Variants in STK33 observed in about 807,000 individuals in gnomAD.
STK33 encodes the protein serine/threonine-protein kinase 33.
Under a neutral mutation model 58.0 loss-of-function variants are expected in STK33, and 52 were observed. That is an observed-to-expected ratio of 0.90 (90% CI 0.72 to 1.13). The LOEUF is 1.13. Ranked by LOEUF, STK33 falls within the 50% of genes most tolerant of loss-of-function variation. STK33 has a pLI of 0.00. For missense variants in STK33, 630 were observed against 604.2 expected (o/e 1.04, Z -0.45); for synonymous variants, 215 against 200.1 (o/e 1.07, Z -0.63).
At position 8,584,732 on chromosome 11, in the gene STK33, C is replaced by T. The variant is rs1460548424; in HGVS notation, c.-466+9351G>A. Reference sequence around the variant, plus strand: ...TCTTTTCTGTTACCAAGTGCCAGGGCAAACAGGAGATAGACCCTTTCAGAC... The same window carrying T: ...TCTTTTCTGTTACCAAGTGCCAGGGTAAACAGGAGATAGACCCTTTCAGAC... On this transcript the variant is annotated intron_variant, in intron 1 of 15. Coordinates refer to ENST00000687296, the MANE Select transcript of STK33 (RefSeq NM_001352389.2). Among the ~76,000 whole-genome samples the T allele has an allele frequency of 4.6e-5, 7 of 152,216 alleles. No individual in the cohort carries two copies. In the East Asian group the frequency reaches 1.2e-3, roughly 25 times the overall value.
chr11:8,467,005 G>A (rs1948264263), intron 6 of STK33: 1 of 152,262 alleles, frequency 6.6e-6, no homozygotes, highest in South Asian at 2.1e-4. Flanking sequence ...TAGGATGCAG[G>A]GCACCAAGTC....
intron 12 of STK33, 58 bp downstream of exon 12, chr11:8,440,620 A>ATT (rs1406122197): frequency 5.0e-6 from 7 of 1,389,110 alleles, no homozygotes; most frequent in Non-Finnish European, 5.9e-6. Flanking sequence ...AGTCTATATC[A>ATT]CTCTACTGTT....
At chr11:8,461,169 A>T (rs1304704718) in intron 8 of STK33, among the ~76,000 whole-genome samples, 1 of 152,224 alleles carries the variant, frequency 6.6e-6, no homozygotes, top group Admixed American at 6.5e-5. Context: ...TGCACAGGCA[A>T]TATGATTCCA....
chr11:8,367,804 C>G, the STK33 span, among the ~76,000 whole-genome samples: 1 of 152,180 alleles, frequency 6.6e-6, no homozygotes, highest in African/African-American at 2.4e-5. Flanking sequence ...TGAACATACA[C>G]TCATACATTC....
chr11:8,435,024 G>A (rs893083013), intron 14 of STK33, among the ~76,000 whole-genome samples: 3 of 152,154 alleles, frequency 2.0e-5, no homozygotes, highest in African/African-American at 7.2e-5. Flanking sequence ...TGAAGCATTA[G>A]TCTAATGGCA....
intron 2 of STK33, among the ~76,000 whole-genome samples, chr11:8,477,916 G>T (rs1047767489): frequency 6.6e-6 from 1 of 152,120 alleles, no homozygotes; most frequent in African/African-American, 2.4e-5. Context: ...AGTCTACCAA[G>T]TGCTATATTT....
At position 8,525,122 on chromosome 11, in the gene STK33, T is replaced by C. The variant is rs567305988; in HGVS notation, c.-465-44508A>G. Among the ~76,000 whole-genome samples the C allele has an allele frequency of 1.7e-4, 26 of 152,260 alleles. No individual in the cohort carries two copies. The South Asian group carries it at 4.6e-3, about 27-fold the overall frequency. On this transcript the variant is annotated intron_variant, in intron 1 of 15. Transcript: ENST00000687296. ...TAATATAAAAGAATATGTAAACAAA[T>C]GGAAGGACATACTATGTTCATAGAT...
chr11:8,387,582 T>A, downstream of STK33, among the ~76,000 whole-genome samples: 1 of 152,264 alleles, frequency 6.6e-6, no homozygotes, highest in Non-Finnish European at 1.5e-5. Context: ...GCTCTGTAAC[T>A]GTTGCTGCTG....
chr11:8,476,241 C>G (rs181697768), intron 4 of STK33, among the ~76,000 whole-genome samples: 2 of 152,276 alleles, frequency 1.3e-5, no homozygotes, highest in Non-Finnish European at 2.9e-5. Context: ...TTAAGCTTAA[C>G]AGAATGCAGG....
intron 1 of STK33, among the ~76,000 whole-genome samples, chr11:8,529,009 TC>T (rs774398518): frequency 9.9e-5 from 15 of 152,208 alleles, no homozygotes; most frequent in Non-Finnish European, 1.8e-4. Context: ...TATCCATTTT[TC>T]AGATGAGGAA....
chr11:8,523,876 A>C (rs888828383), intron 1 of STK33, among the ~76,000 whole-genome samples: 2 of 152,236 alleles, frequency 1.3e-5, no homozygotes, highest in African/African-American at 4.8e-5. Context: ...GTCGAATAGA[A>C]AAGGGGGAAA....
chr11:8,400,400 C>A (rs1330447885), intron 15 of STK33, among the ~76,000 whole-genome samples: 1 of 152,132 alleles, frequency 6.6e-6, no homozygotes, highest in African/African-American at 2.4e-5. Context: ...GCAGAAAAGG[C>A]CTTTGACAAA....
intron 1 of STK33, among the ~76,000 whole-genome samples, chr11:8,565,399 T>A (rs181618371): frequency 5.3e-5 from 8 of 152,262 alleles, no homozygotes; most frequent in Admixed American, 4.6e-4. Flanking sequence ...CATCTCTACA[T>A]TGCAGGCAGC....
In STK33 at chr11:8,558,396, G is replaced by A. The variant is rs538067949; in HGVS notation, c.-466+35687C>T. Among the ~76,000 whole-genome samples the A allele has an allele frequency of 9.5e-5, 13 of 137,404 alleles. 1 individual carries two copies. The South Asian group carries it at 3.4e-3, about 36-fold the overall frequency. The allele number at this position is 137,404 out of a possible 152,430, so 90.1% of individuals were successfully genotyped here. A position where few individuals can be genotyped will look rare whatever the true frequency, so the allele number is the denominator to read the frequency against. On this transcript the variant is annotated intron_variant, in intron 1 of 15. Transcript: ENST00000687296. ...CACAAAACTCCAAATCTTTGTCAGTGATACACACACACACACACACACACA... is the reference window on the plus strand; with the variant it reads ...CACAAAACTCCAAATCTTTGTCAGTAATACACACACACACACACACACACA...
chr11:8,534,392 AC>A (rs1426990301), intron 1 of STK33, among the ~76,000 whole-genome samples: 13 of 152,172 alleles, frequency 8.5e-5, no homozygotes, highest in African/African-American at 2.9e-4. Flanking sequence ...AATAGGAAGA[AC>A]CACACTGCAA....
At chr11:8,336,034 G>A in the STK33 span, among the ~76,000 whole-genome samples, 1 of 152,194 alleles carries the variant, frequency 6.6e-6, no homozygotes, top group Non-Finnish European at 1.5e-5. Flanking sequence ...GAAGTCCCCC[G>A]ACTCTAGCTC....
At chr11:8,525,103 A>G (rs1358673861) in intron 1 of STK33, among the ~76,000 whole-genome samples, 3 of 152,208 alleles carry the variant, frequency 2.0e-5, no homozygotes, top group Non-Finnish European at 4.4e-5. Flanking sequence ...TGAATAATAT[A>G]AAAGAATATG....
At chr11:8,366,437 C>T in the STK33 span, among the ~76,000 whole-genome samples, 28 of 152,272 alleles carry the variant, frequency 1.8e-4, no homozygotes, top group African/African-American at 6.5e-4. Flanking sequence ...AAAGGAGGGA[C>T]AAGAGCGACT....
chr11:8,338,292 T>C, the STK33 span, among the ~76,000 whole-genome samples: 1 of 152,178 alleles, frequency 6.6e-6, no homozygotes, highest in East Asian at 1.9e-4. Context: ...GGATCATCTC[T>C]GCTCCAGATC....
Sources: allele counts gnomAD v4.1 joint callset (sites outside exome capture counted in the v4.1 genomes callset), GRCh38; gene constraint gnomAD v4.1.1; transcripts MANE v1.5; gene names NCBI Gene and HGNC (gene_info 2026-07-23, HGNC 2026-07-21).